The following SLC9B2 variants were observed in gnomAD, a reference collection of about 807,000 sequenced individuals.
SLC9B2 encodes sodium/hydrogen exchanger 9B2.
In SLC9B2, 39 loss-of-function variants were observed where a neutral mutation model predicts 52.2. That is an observed-to-expected ratio of 0.75 (90% CI 0.58 to 0.98). The LOEUF is 0.98. SLC9B2 is among the 50% of genes least tolerant of loss of function. The probability of loss-of-function intolerance (pLI) is 0.00; values close to 1 mark genes in which losing one functional copy is unlikely to be tolerated. For missense variants in SLC9B2, 626 were observed against 637.5 expected, an observed-to-expected ratio of 0.98 and a Z score of 0.19; for synonymous variants, 214 against 227.0, an observed-to-expected ratio of 0.94 and a Z score of 0.51.
At chr4:103,027,845 G>A (rs569443037) in intron 11 of SLC9B2, among the ~76,000 whole-genome samples, 1 of 152,206 alleles carries the variant, frequency 6.6e-6, no homozygotes, top group South Asian at 2.1e-4. Context: ...AATGCAAAGA[G>A]CATAATTGAA....
Position 103,045,003 on chromosome 4 carries a change from A to T in SLC9B2, c.890-7T>A, listed in dbSNP as rs755156342. The T allele has an allele frequency of 6.3e-7, 1 of 1,592,492 alleles. No individual in the cohort carries two copies. Among genetic ancestry groups the T allele is most frequent in the Non-Finnish European group, 8.6e-7 (1 of 1,163,090 alleles). On this transcript the variant is annotated splice_region_variant and splice_polypyrimidine_tract_variant and intron_variant, in intron 7 of 11. Coordinates refer to ENST00000394785, the MANE Select transcript of SLC9B2 (RefSeq NM_178833.7). ...ACATTAAAGACAGTAGAGCCTGAAA[A>T]ATATATTAAAAAAACTTAGAGCTCT...
At chr4:103,043,481 C>T in intron 8 of SLC9B2, 36 bp from the exon 9 acceptor site, 2 of 1,553,398 alleles carry the variant, frequency 1.3e-6, no homozygotes, top group Non-Finnish European at 1.7e-6. Context: ...TCAATTATTT[C>T]AAATCCCTGA....
rs543405554 is a variant in SLC9B2 at position 103,052,800 on chromosome 4, G to A, written c.443-2418C>T. On this transcript the variant is annotated intron_variant, in intron 4 of 11. Coordinates refer to ENST00000394785, the MANE Select transcript of SLC9B2 (RefSeq NM_178833.7). ...GGGCTCAAGCGATTCACCCACCTTA[G>A]ACTCCCAAGGTGGTGGGATTACAGG... 2.0e-5 allele frequency among the ~76,000 whole-genome samples: 3 copies of A among 151,522 alleles called. No homozygotes were observed. In the East Asian group the frequency reaches 5.8e-4, roughly 29 times the overall value.
intron 1 of SLC9B2, 121 bp from the exon 2 acceptor site, chr4:103,067,713 C>G (rs757745375): frequency 5.0e-6 from 3 of 603,208 alleles, no homozygotes; most frequent in Non-Finnish European, 5.8e-6. Flanking sequence ...TGAAATTAGA[C>G]TATTCTTAAT....
At chr4:103,072,302 C>T (rs1276721023) in intron 1 of SLC9B2, among the ~76,000 whole-genome samples, 1 of 151,936 alleles carries the variant, frequency 6.6e-6, no homozygotes, top group Non-Finnish European at 1.5e-5. Flanking sequence ...CATGATCTGC[C>T]CGCCTTGGCC....
chr4:103,072,252 T>C (rs1746723896), intron 1 of SLC9B2, among the ~76,000 whole-genome samples: 1 of 152,000 alleles, frequency 6.6e-6, no homozygotes, highest in Non-Finnish European at 1.5e-5. Flanking sequence ...AGAGATGGGG[T>C]TTCACCATGT....
At chr4:103,058,190 C>G (rs1484133386) in intron 3 of SLC9B2, among the ~76,000 whole-genome samples, 1 of 152,070 alleles carries the variant, frequency 6.6e-6, no homozygotes, top group East Asian at 1.9e-4. Flanking sequence ...CCTATGTGCC[C>G]CTCCCCATCC....
chr4:103,026,342 T>C lies in SLC9B2; in HGVS notation c.*28A>G. The C allele has an allele frequency of 6.5e-7, 1 of 1,547,426 alleles. No individual in the cohort carries two copies. Among genetic ancestry groups the C allele is most frequent in the Non-Finnish European group, 8.8e-7 (1 of 1,142,250 alleles). ...GAAAAAAGTAGCAGCTTTCTAAACA[T>C]TATGTTCAGCACTCTCTCTTTTCAC... is the stretch of plus-strand genomic sequence containing the variant. On this transcript the variant is annotated 3_prime_UTR_variant, in exon 12 of 12. Transcript: ENST00000394785.
intron 10 of SLC9B2, among the ~76,000 whole-genome samples, 186 bp from the exon 11 acceptor site, chr4:103,029,069 T>C (rs1742471060): frequency 6.6e-6 from 1 of 152,190 alleles, no homozygotes; most frequent in African/African-American, 2.4e-5. Context: ...GCTATTTGTT[T>C]AAAATAAGGT....
chr4:103,024,747 A>G lies in SLC9B2; in HGVS notation c.*1623T>C, dbSNP rs1243418157. ...ACAGATAACATGATAAAAACTGTAAACTGTATGTGAATGTGATTATTTCAG... is the reference window on the plus strand; with the variant it reads ...ACAGATAACATGATAAAAACTGTAAGCTGTATGTGAATGTGATTATTTCAG... On this transcript the variant is annotated 3_prime_UTR_variant, in exon 12 of 12. Transcript: ENST00000394785. 6.6e-6 allele frequency among the ~76,000 whole-genome samples: 1 copy of G among 152,192 alleles called. No individual in the cohort carries two copies. Among genetic ancestry groups the G allele is most frequent in the African/African-American group, 2.4e-5 (1 of 41,442 alleles).
At chr4:103,045,744 T>G (rs974155880) in intron 7 of SLC9B2, among the ~76,000 whole-genome samples, 1 of 152,220 alleles carries the variant, frequency 6.6e-6, no homozygotes, top group Non-Finnish European at 1.5e-5. Flanking sequence ...ATGCAAACTC[T>G]GTTGCTCTAA....
chr4:103,050,507 A>G, intron 4 of SLC9B2, 125 bp from the exon 5 acceptor site: 1 of 873,336 alleles, frequency 1.1e-6, no homozygotes. Flanking sequence ...AGAAGAAATT[A>G]AGTTAAACTT....
At chr4:103,052,080 G>A (rs796116209) in intron 4 of SLC9B2, among the ~76,000 whole-genome samples, 4 of 152,336 alleles carry the variant, frequency 2.6e-5, no homozygotes, top group African/African-American at 9.6e-5. Flanking sequence ...GTAACAAAGA[G>A]GTGAGCTAGA....
At chr4:103,056,370 C>T (rs987949928) in intron 4 of SLC9B2, among the ~76,000 whole-genome samples, 5 of 152,140 alleles carry the variant, frequency 3.3e-5, no homozygotes, top group African/African-American at 1.2e-4. Context: ...ATCTCAGCCT[C>T]CCAAGTAGCT....
At position 103,057,692 on chromosome 4, in the gene SLC9B2, G is replaced by T. The variant is rs143295021; in HGVS notation, c.442+109C>A. ...ATTTAACAACTGGCTTTTGGCTCCA[G>T]CATGGCAAATACAGAAATATTTTAT... On this transcript the variant is annotated intron_variant, in intron 4 of 11. Coordinates refer to ENST00000394785, the MANE Select transcript of SLC9B2 (RefSeq NM_178833.7). The T allele has an allele frequency of 1.6e-3, 1,981 of 1,221,214 alleles. 3 individuals carry two copies. Among genetic ancestry groups the T allele is most frequent in the Admixed American group, 6.5e-3 (221 of 33,784 alleles). 75.6% of individuals were successfully genotyped at this position (1,221,214 alleles called of 1,614,324 possible). A position where few individuals can be genotyped will look rare whatever the true frequency, so the allele number is the denominator to read the frequency against.
At chr4:103,033,836 G>A (rs1742915476) in intron 9 of SLC9B2, among the ~76,000 whole-genome samples, 1 of 152,118 alleles carries the variant, frequency 6.6e-6, no homozygotes, top group African/African-American at 2.4e-5. Context: ...AACATACCAT[G>A]CTCATGGATA....
intron 1 of SLC9B2, among the ~76,000 whole-genome samples, chr4:103,070,773 C>T (rs567324451): frequency 2.6e-5 from 4 of 152,166 alleles, no homozygotes; most frequent in African/African-American, 9.6e-5. Flanking sequence ...TGACTTTGCT[C>T]CTTTGTTTTT....
At chr4:103,030,274 A>T (rs948709423) in intron 10 of SLC9B2, among the ~76,000 whole-genome samples, 22 of 152,166 alleles carry the variant, frequency 1.4e-4, no homozygotes, top group Non-Finnish European at 2.6e-4. Flanking sequence ...CCAGAGGCAC[A>T]AAGTTAGAAA....
downstream of SLC9B2, among the ~76,000 whole-genome samples, chr4:103,019,235 G>A (rs1741604505): frequency 6.6e-6 from 1 of 151,956 alleles, no homozygotes; most frequent in South Asian, 2.1e-4. Context: ...TGTATGTGAA[G>A]GTTTATTTGC....
Sources: allele counts gnomAD v4.1 joint callset (sites outside exome capture counted in the v4.1 genomes callset), GRCh38; gene constraint gnomAD v4.1.1; transcripts MANE v1.5; gene names NCBI Gene and HGNC (gene_info 2026-07-23, HGNC 2026-07-21).